The following DUSP8 variants were observed in gnomAD, a reference collection of about 807,000 sequenced individuals.
DUSP8 encodes dual specificity phosphatase 8.
A neutral mutation model predicts 38.7 loss-of-function variants in DUSP8; 15 were observed. That is an observed-to-expected ratio of 0.39 (90% CI 0.26 to 0.60). The LOEUF is 0.60. Ranked by LOEUF, DUSP8 falls within the 20% of genes least tolerant of loss-of-function variation. The pLI is 0.56. For synonymous variants in DUSP8, 458 were observed against 433.9 expected (o/e 1.06, Z -0.69); for missense variants, 768 against 915.0 (o/e 0.84, Z 2.07).
chr11:1,563,964 A>G lies in DUSP8; in HGVS notation c.257T>C (p.Val86Ala). The G allele has an allele frequency of 6.6e-7, 1 of 1,512,948 alleles. No homozygotes were observed. Among genetic ancestry groups the G allele is most frequent in the East Asian group, 2.5e-5 (1 of 39,768 alleles). The allele number at this position is 1,512,948 out of a possible 1,614,324, so 93.7% of individuals were successfully genotyped here. A position where few individuals can be genotyped will look rare whatever the true frequency, so the allele number is the denominator to read the frequency against. Reference protein sequence around the residue: ...SQVEATEPQDVVVYDQSTRDA... With the variant: ...SQVEATEPQDAVVYDQSTRDA... Reference sequence around the variant, plus strand: ...CCGCGTGCTCTGGTCATAGACCACCACGTCCTGTGGCTCCGTAGCCTCCAC... The same window carrying G: ...CCGCGTGCTCTGGTCATAGACCACCGCGTCCTGTGGCTCCGTAGCCTCCAC... The change falls in exon 3 of 7, where the codon GTG (valine) becomes GCG (alanine). Residue 86 changes from valine to alanine, a missense_variant. Physicochemically the swap from Val to Ala is moderately conservative, Grantham distance 64. Around this residue, in one of 3 missense-constraint regions of DUSP8, gnomAD observed 252 missense variants for 410.4 expected, o/e 0.61. Coordinates refer to ENST00000397374, the MANE Select transcript of DUSP8 (RefSeq NM_004420.3).
intron 3 of DUSP8, 130 bp from the exon 4 acceptor site, chr11:1,559,185 T>G: frequency 3.3e-6 from 3 of 913,444 alleles, no homozygotes; most frequent in Non-Finnish European, 4.6e-6. Flanking sequence ...GACCCGAGCC[T>G]GAGCCCAGCC....
chr11:1,567,817 G>T (rs2133448442), intron 1 of DUSP8, among the ~76,000 whole-genome samples: 1 of 152,288 alleles, frequency 6.6e-6, no homozygotes, highest in East Asian at 1.9e-4. Context: ...TCCTCTCCAG[G>T]GCCAGACCCA....
In DUSP8 at chr11:1,561,469, C is replaced by T. The variant is rs532427916; in HGVS notation, c.370+2382G>A. 7.9e-5 allele frequency among the ~76,000 whole-genome samples: 12 copies of T among 152,358 alleles called. No homozygotes were observed. The East Asian group carries it at 9.6e-4, about 12-fold the overall frequency. On this transcript the variant is annotated intron_variant, in intron 3 of 6. Transcript: ENST00000397374. ...CCCACCCACTTGCAGTGCAGTCGCC[C>T]GGCCAAGGGTCCAAGGCCGACTGCG...
rs555826663 is a variant in DUSP8, at chr11:1,558,979, G to A, written c.447C>T (p.Leu149=). 3.1e-6 allele frequency: 5 copies of A among 1,610,204 alleles called. No homozygotes were observed. In the South Asian group the frequency reaches 3.3e-5, roughly 11 times the overall value. ...TGGGCACAGGCAGGCAGGGCTGGGA[G>A]AGGCTCATGGGTAGCAGGGCAGCAG... ...GKPAALLPMS[L]SQPCLPVPSV... The change falls in exon 4 of 7, where the codon CTC becomes CTT. Residue 149 remains leucine (L), a synonymous_variant. Transcript: ENST00000397374. This position sits in a 1 kb window ranked among gnomAD's most constrained non-coding sequence, Gnocchi z 6.3.
chr11:1,567,784 G>A (rs558753354), intron 1 of DUSP8, among the ~76,000 whole-genome samples: 1 of 152,348 alleles, frequency 6.6e-6, no homozygotes, highest in Non-Finnish European at 1.5e-5. Flanking sequence ...CTCCACCACA[G>A]GGTGGGGAAC....
chr11:1,556,755 G>A lies in DUSP8; in HGVS notation c.1641C>T (p.Ala547=), dbSNP rs1016747380. Reference sequence around the variant, plus strand: ...GGTCGCTGCCGCCGCCTGGTCCCGGGGCGCCCGCCCGGCCGAAGGGCGCAA... The same window carrying A: ...GGTCGCTGCCGCCGCCTGGTCCCGGAGCGCCCGCCCGGCCGAAGGGCGCAA... ...VLFAPFGRAG[A]PGPGGGSDLR... Residue 547 remains alanine, a synonymous_variant, in exon 7 of 7, where the codon GCC becomes GCT. Coordinates refer to ENST00000397374, the MANE Select transcript of DUSP8 (RefSeq NM_004420.3). This position sits in a 1 kb window ranked among gnomAD's most constrained non-coding sequence, Gnocchi z 5.2. 6 of 1,205,710 alleles carry A rather than the reference G, an allele frequency of 5.0e-6. No individual in the cohort carries two copies. The highest frequency in any genetic ancestry group is 3.2e-4 in the Middle Eastern group (1 of 3,086). The allele number at this position is 1,205,710 out of a possible 1,614,324, so 74.7% of individuals were successfully genotyped here.
At position 1,558,284 on chromosome 11, in the gene DUSP8, G is replaced by T; in HGVS notation, c.538-13C>A. On this transcript the variant is annotated splice_polypyrimidine_tract_variant and intron_variant, in intron 4 of 6. Transcript: ENST00000397374. This position sits in a 1 kb window ranked among gnomAD's most constrained non-coding sequence, Gnocchi z 6.3. ...GCGTCATCAGATCCTGGAGGGGCGGGAGGGCGGGTTGGAAAGGGGTGGGAG... is the reference window on the plus strand; with the variant it reads ...GCGTCATCAGATCCTGGAGGGGCGGTAGGGCGGGTTGGAAAGGGGTGGGAG... 2 of 1,046,344 alleles carry T rather than the reference G, an allele frequency of 1.9e-6. No individual in the cohort carries two copies. 64.8% of individuals were successfully genotyped at this position (1,046,344 alleles called of 1,614,324 possible). A position where few individuals can be genotyped will look rare whatever the true frequency, so the allele number is the denominator to read the frequency against.
In DUSP8 at chr11:1,556,528, TCG is replaced by T; in HGVS notation, c.1866_1867del (p.Glu623GlyfsTer25). Reference sequence around the variant, plus strand: ...AGGGCAGCGGAGGGGTCAGGACACCTCGATGACCTCCACGCTGCCCGAGAAGC... The same window carrying T: ...AGGGCAGCGGAGGGGTCAGGACACCTATGACCTCCACGCTGCCCGAGAAGC... On this transcript the variant is annotated frameshift_variant, in exon 7 of 7. Coordinates refer to ENST00000397374, the MANE Select transcript of DUSP8 (RefSeq NM_004420.3). LOFTEE classifies it high-confidence loss of function. This position sits in a 1 kb window ranked among gnomAD's most constrained non-coding sequence, Gnocchi z 5.2. 7.6e-7 allele frequency: 1 copy of T among 1,324,308 alleles called. No homozygotes were observed. Among genetic ancestry groups the T allele is most frequent in the Non-Finnish European group, 9.7e-7 (1 of 1,034,290 alleles). 82.0% of individuals were successfully genotyped at this position (1,324,308 alleles called of 1,614,324 possible). A position where few individuals can be genotyped will look rare whatever the true frequency, so the allele number is the denominator to read the frequency against.
At chr11:1,561,590 CA>C (rs1234218071) in intron 3 of DUSP8, among the ~76,000 whole-genome samples, 1 of 152,234 alleles carries the variant, frequency 6.6e-6, no homozygotes, top group Admixed American at 6.5e-5. Context: ...AGAGGAGCGG[CA>C]GGGGGAGGTG....
intron 2 of DUSP8, among the ~76,000 whole-genome samples, chr11:1,565,283 T>C (rs1264462414): frequency 6.6e-6 from 1 of 152,210 alleles, no homozygotes; most frequent in African/African-American, 2.4e-5. Flanking sequence ...TGAGCCTGGG[T>C]TGGCCCTGGC....
upstream of DUSP8, chr11:1,572,775 T>G (rs536083361): frequency 6.6e-6 from 1 of 152,148 alleles, no homozygotes; most frequent in Admixed American, 6.5e-5. The surrounding 1 kb of genome is among the most constrained non-coding windows in gnomAD (Gnocchi z 4.7). Flanking sequence ...GCAGCGGCTG[T>G]GCTCGCCCCG....
Position 1,556,847 on chromosome 11 carries a change from T to G in DUSP8, c.1549A>C (p.Thr517Pro). 1 of 1,143,480 alleles carries G rather than the reference T, an allele frequency of 8.7e-7. No individual in the cohort carries two copies. The allele number at this position is 1,143,480 out of a possible 1,614,324, so 70.8% of individuals were successfully genotyped here. A position where few individuals can be genotyped will look rare whatever the true frequency, so the allele number is the denominator to read the frequency against. ...AWAPPLDSPGTPSPDGPWCFS... is the reference protein window; with the variant it reads ...AWAPPLDSPGPPSPDGPWCFS... ...CACCAGGGCCCGTCGGGCGACGGCG[T>G]GCCTGGGGAGTCGAGCGGCGGTGCC... The change falls in exon 7 of 7, where the codon ACG becomes CCG. Residue 517 changes from threonine (T) to proline (P), a missense_variant. Physicochemically the swap from Thr to Pro is conservative, Grantham distance 38 (BLOSUM62 -1). This residue lies in a region of DUSP8 where 474 missense variants were observed against 430.8 expected (regional missense o/e 1.10). Transcript: ENST00000397374. This position sits in a 1 kb window ranked among gnomAD's most constrained non-coding sequence, Gnocchi z 5.2.
At chr11:1,565,022 T>C (rs909555314) in intron 2 of DUSP8, among the ~76,000 whole-genome samples, 70 of 152,350 alleles carry the variant, frequency 4.6e-4, no homozygotes, top group African/African-American at 1.6e-3. Flanking sequence ...CTGGGCAGAA[T>C]GAGCTGTCCT....
At position 1,572,235 on chromosome 11, in the gene DUSP8, G is replaced by T. The variant is rs1255479976; in HGVS notation, c.-443C>A. On this transcript the variant is annotated 5_prime_UTR_variant, in exon 1 of 7. Coordinates refer to ENST00000397374, the MANE Select transcript of DUSP8 (RefSeq NM_004420.3). This position sits in a 1 kb window ranked among gnomAD's most constrained non-coding sequence, Gnocchi z 4.7. ...GTCCGGCGTCCGGCGGGGCGTCGTGGGGGGAGCCGGCTCGGCCGCCGCGCT... is the reference window on the plus strand; with the variant it reads ...GTCCGGCGTCCGGCGGGGCGTCGTGTGGGGAGCCGGCTCGGCCGCCGCGCT... Among the ~76,000 whole-genome samples the T allele has an allele frequency of 2.0e-5, 3 of 146,960 alleles. No homozygotes were observed. Among genetic ancestry groups the T allele is most frequent in the African/African-American group, 4.9e-5 (2 of 40,660 alleles).
chr11:1,562,159 G>A (rs575157799), intron 3 of DUSP8, among the ~76,000 whole-genome samples: 25 of 152,116 alleles, frequency 1.6e-4, no homozygotes, highest in African/African-American at 6.0e-4. Flanking sequence ...CACCCATGCT[G>A]TCCCACCCAC....
intron 3 of DUSP8, 66 bp downstream of exon 3, chr11:1,563,785 A>T (rs929548863): frequency 1.4e-6 from 2 of 1,402,038 alleles, no homozygotes; most frequent in African/African-American, 2.9e-5. Context: ...CTGATGCCCC[A>T]GCCCCAGCCC....
chr11:1,557,466 C>T lies in DUSP8; in HGVS notation c.930G>A (p.Pro310=), dbSNP rs755331036. The change falls in exon 7 of 7, where the codon CCG becomes CCA. Residue 310 remains proline, a synonymous_variant. Transcript: ENST00000397374. This position sits in a 1 kb window ranked among gnomAD's most constrained non-coding sequence, Gnocchi z 9.9. ...GCTCCGGCGTCCCTGAGGGGGTGCC[C>T]GGGTCGCCCTGCAGGGCGGCCAGCA... ...LKLLAALQGD[P]GTPSGTPEPP... is the part of the protein sequence containing the mutation. 19 of 1,562,546 alleles carry T rather than the reference C, an allele frequency of 1.2e-5. No individual in the cohort carries two copies. Among genetic ancestry groups the T allele is most frequent in the South Asian group, 7.0e-5 (6 of 85,616 alleles).
rs1848792652 is a variant in DUSP8 at position 1,565,754 on chromosome 11, C to T, written c.73G>A (p.Gly25Arg). 4.3e-6 allele frequency: 7 copies of T among 1,611,702 alleles called. No individual in the cohort carries two copies. Among genetic ancestry groups the T allele is most frequent in the Non-Finnish European group, 5.9e-6 (7 of 1,179,580 alleles). Residue 25 changes from glycine to arginine, a missense_variant, in exon 2 of 7, where the codon GGG (glycine) becomes AGG (arginine). Physicochemically the swap from Gly to Arg is moderately radical, Grantham distance 125. This residue lies in a region of DUSP8 where 252 missense variants were observed against 410.4 expected (regional missense o/e 0.61). Coordinates refer to ENST00000397374, the MANE Select transcript of DUSP8 (RefSeq NM_004420.3). ...CGGCTGTCGATGACCAGCGGCCCCC[C>T]AGGCCCGCCCCGCAGCAGGCTGGCC... is the stretch of plus-strand genomic sequence containing the variant. ...KLASLLRGGPGGPLVIDSRSF... is the reference protein window; with the variant it reads ...KLASLLRGGPRGPLVIDSRSF...
At position 1,572,216 on chromosome 11, in the gene DUSP8, C is replaced by T. The variant is rs1352984980; in HGVS notation, c.-424G>A. On this transcript the variant is annotated 5_prime_UTR_variant, in exon 1 of 7. Coordinates refer to ENST00000397374, the MANE Select transcript of DUSP8 (RefSeq NM_004420.3). The surrounding 1 kb of genome is among the most constrained non-coding windows in gnomAD (Gnocchi z 4.7). The stretch of plus-strand genomic sequence containing the variant: ...CTCGGGCTCGGGCTCGGGCGTCCGG[C>T]GTCCGGCGGGGCGTCGTGGGGGGAG... Among the ~76,000 whole-genome samples, 1 of 145,532 alleles carries T rather than the reference C, an allele frequency of 6.9e-6. No homozygotes were observed. The highest frequency in any genetic ancestry group is 1.5e-5 in the Non-Finnish European group (1 of 65,574).
Sources: allele counts gnomAD v4.1 joint callset (sites outside exome capture counted in the v4.1 genomes callset), GRCh38; gene constraint gnomAD v4.1.1; regional missense constraint gnomAD v4.1.1; non-coding constraint Gnocchi (gnomAD v3.1); transcripts MANE v1.5; gene names NCBI Gene and HGNC (gene_info 2026-07-23, HGNC 2026-07-21).